FN1: variants seen among roughly 807,000 people sequenced by gnomAD.
FN1 encodes fibronectin 1.
Under a neutral mutation model 297.3 loss-of-function variants are expected in FN1, and 106 were observed. That is an observed-to-expected ratio of 0.36 (90% CI 0.30 to 0.42). The LOEUF (loss-of-function observed/expected upper bound fraction) is 0.42. Among genes scored for constraint, FN1 ranks in the 10% least tolerant of loss-of-function variants. FN1 has a pLI of 1.00. For synonymous variants in FN1, 1,149 were observed against 1,152.6 expected, an observed-to-expected ratio of 1.00 and a Z score of 0.06; for missense variants, 2,690 against 3,124.9, an observed-to-expected ratio of 0.86 and a Z score of 3.32.
chr2:215,413,566 A>G (rs2062997546), intron 13 of FN1, among the ~76,000 whole-genome samples: 1 of 152,164 alleles, frequency 6.6e-6, no homozygotes, highest in Non-Finnish European at 1.5e-5. Context: ...TGATCCCTCA[A>G]TCCCATCCTC....
In FN1 at chr2:215,433,455, TC is replaced by T; in HGVS notation, c.283del (p.Glu95ArgfsTer25). The T allele has an allele frequency of 1.9e-6, 3 of 1,614,070 alleles. No individual in the cohort carries two copies. Among genetic ancestry groups the T allele is most frequent in the Non-Finnish European group, 2.5e-6 (3 of 1,179,970 alleles). On this transcript the variant is annotated frameshift_variant, in exon 3 of 46. Transcript: ENST00000354785. LOFTEE classifies it high-confidence loss of function. ...FNCESKPEAE[E>X]TCFDKYTGNT... ...CCCAGTGTACTTGTCAAAGCAAGTCTCTTCAGCTGAGGGGAAAAGGAAAGTC... is the reference window on the plus strand; with the variant it reads ...CCCAGTGTACTTGTCAAAGCAAGTCTTTCAGCTGAGGGGAAAAGGAAAGTC...
At chr2:215,411,564 T>C (rs572694174) in intron 13 of FN1, among the ~76,000 whole-genome samples, 1 of 152,188 alleles carries the variant, frequency 6.6e-6, no homozygotes, top group Non-Finnish European at 1.5e-5. Flanking sequence ...AAATAAAGTC[T>C]CAGGTGGCAT....
intron 40 of FN1, among the ~76,000 whole-genome samples, chr2:215,371,642 C>G (rs922170136): frequency 1.4e-5 from 2 of 146,892 alleles, no homozygotes; most frequent in African/African-American, 5.0e-5. Flanking sequence ...TTAAATGTGC[C>G]ATCTTCTAAG....
intron 1 of FN1, 40 bp from the exon 2 acceptor site, chr2:215,434,864 C>T: frequency 6.2e-7 from 1 of 1,603,990 alleles, no homozygotes; most frequent in East Asian, 2.2e-5. Flanking sequence ...TTGCATTTCT[C>T]CTTTTCCCAA....
Position 215,391,642 on chromosome 2 carries a change from C to T in FN1, c.4242G>A (p.Val1414=). 1 of 1,612,912 alleles carries T rather than the reference C, an allele frequency of 6.2e-7. No individual in the cohort carries two copies. Among genetic ancestry groups the T allele is most frequent in the Middle Eastern group, 1.7e-4 (1 of 6,058 alleles). ...ELSISPSDNA[V]VLTNLLPGTE... ...CATTCAACTGCTTACTTGTTAAGAC[C>T]ACTGCATTGTCTGAAGGAGAAATTG... Residue 1414 remains valine (V), a synonymous_variant, in exon 26 of 46, where the codon GTG becomes GTA. Coordinates refer to ENST00000354785, the MANE Select transcript of FN1 (RefSeq NM_212482.4).
intron 33 of FN1, chr2:215,379,803 C>G (rs1455460920): frequency 6.1e-6 from 1 of 163,398 alleles, no homozygotes; most frequent in African/African-American, 2.4e-5. Context: ...AAGTGATCCT[C>G]TACCTCAGCC....
At chr2:215,430,653 C>T in intron 5 of FN1, 62 bp downstream of exon 5, 2 of 1,580,682 alleles carry the variant, frequency 1.3e-6, no homozygotes, top group Non-Finnish European at 1.7e-6. Flanking sequence ...TATTACCCTT[C>T]TCTCTAGGAA....
chr2:215,384,406 A>T, intron 29 of FN1: 1 of 563,736 alleles, frequency 1.8e-6, no homozygotes. Context: ...CTGTTTTAAC[A>T]TTTCAGCTTT....
rs764406701 is a variant in FN1, at chr2:215,388,296, G to A, written c.4258C>T (p.Leu1420=). Residue 1420 remains leucine (L), a synonymous_variant, in exon 27 of 46, where the codon CTG becomes TTG. Transcript: ENST00000354785. ...SDNAVVLTNL[L]PGTEYVVSVS... ...CTCACTACATATTCTGTACCAGGCA[G>A]GAGATCTGTAGGGGCAAATGGGGCT... 1.2e-6 allele frequency: 2 copies of A among 1,612,692 alleles called. No individual in the cohort carries two copies. Among genetic ancestry groups the A allele is most frequent in the South Asian group, 2.2e-5 (2 of 91,050 alleles).
intron 12 of FN1, among the ~76,000 whole-genome samples, chr2:215,417,284 T>C (rs921877190): frequency 1.3e-5 from 2 of 152,150 alleles, no homozygotes; most frequent in African/African-American, 4.8e-5. Flanking sequence ...AAACTAACAA[T>C]AAAATAGTTG....
chr2:215,397,265 G>A, intron 22 of FN1, 42 bp from the exon 23 acceptor site: 1 of 1,389,370 alleles, frequency 7.2e-7, no homozygotes, highest in Non-Finnish European at 1.0e-6. Context: ...CTGACACAAA[G>A]CTCTTGACCT....
chr2:215,430,811 C>T lies in FN1; in HGVS notation c.589G>A (p.Val197Ile). 6.2e-7 allele frequency: 1 copy of T among 1,614,112 alleles called. No homozygotes were observed. The highest frequency in any genetic ancestry group is 8.5e-7 in the Non-Finnish European group (1 of 1,179,976). The change falls in exon 5 of 46, where the codon GTC (valine) becomes ATC (isoleucine). Residue 197 changes from valine (V) to isoleucine (I), a missense_variant. By Grantham distance (29) the Val-to-Ile change is conservative (BLOSUM62 3). This residue lies in a region of FN1 where 876 missense variants were observed against 1,058.1 expected (regional missense o/e 0.83). Coordinates refer to ENST00000354785, the MANE Select transcript of FN1 (RefSeq NM_212482.4). ...FDHAAGTSYVVGETWEKPYQG... is the reference protein window; with the variant it reads ...FDHAAGTSYVIGETWEKPYQG... ...TAGGGCTTCTCCCACGTTTCTCCGA[C>T]CACATAGGAAGTCCCAGCAGCATGA...
At position 215,406,257 on chromosome 2, in the gene FN1, C is replaced by T. The variant is rs372040503; in HGVS notation, c.2967G>A (p.Leu989=). The T allele has an allele frequency of 1.9e-6, 3 of 1,614,032 alleles. No individual in the cohort carries two copies. The highest frequency in any genetic ancestry group is 2.5e-6 in the Non-Finnish European group (3 of 1,180,022). Residue 989 remains leucine (L), a synonymous_variant, in exon 19 of 46, where the codon CTG becomes CTA. Coordinates refer to ENST00000354785, the MANE Select transcript of FN1 (RefSeq NM_212482.4). The stretch of plus-strand genomic sequence containing the variant: ...ACATACTGGTTGTCTGTTGAGCAGT[C>T]AGAGGCTTGCTCTCCCTCCCATGGC... ...AVSHGRESKP[L]TAQQTTKLDA...
At chr2:215,397,557 A>C in intron 22 of FN1, 123 bp downstream of exon 22, 2 of 808,942 alleles carry the variant, frequency 2.5e-6, no homozygotes, top group Non-Finnish European at 4.3e-6. Flanking sequence ...TTAATAATAT[A>C]AGTAAGGATA....
At chr2:215,419,069 G>A (rs962514473) in intron 12 of FN1, among the ~76,000 whole-genome samples, 173 bp downstream of exon 12, 7 of 152,192 alleles carry the variant, frequency 4.6e-5, no homozygotes, top group African/African-American at 1.7e-4. Flanking sequence ...CTTGATAGAG[G>A]AAGAGAGAAA....
intron 4 of FN1, among the ~76,000 whole-genome samples, chr2:215,431,363 C>T (rs999145582): frequency 2.0e-5 from 3 of 152,248 alleles, no homozygotes; most frequent in South Asian, 4.1e-4. Context: ...CTTGTACTTA[C>T]AAAATTCAAC....
At chr2:215,414,620 A>C in intron 13 of FN1, 1 of 1,205,098 alleles carries the variant, frequency 8.3e-7, no homozygotes, top group Non-Finnish European at 1.1e-6. Flanking sequence ...CAGCCCCCCC[A>C]CCGCAAAAAA....
intron 44 of FN1, among the ~76,000 whole-genome samples, chr2:215,363,971 C>T (rs917536443): frequency 6.6e-6 from 1 of 152,196 alleles, no homozygotes; most frequent in African/African-American, 2.4e-5. Context: ...CCCACCTGGG[C>T]CAGCTCCTTT....
Position 215,381,509 on chromosome 2 carries a change from T to C in FN1, c.5165-429A>G, listed in dbSNP as rs1187734827. The C allele has an allele frequency of 2.4e-5, 7 of 297,694 alleles. No individual in the cohort carries two copies. The East Asian group carries it at 6.7e-4, about 29-fold the overall frequency. The allele number at this position is 297,694 out of a possible 1,614,324, so 18.4% of individuals were successfully genotyped here. On this transcript the variant is annotated intron_variant, in intron 32 of 45. Transcript: ENST00000354785. ...TTTTTTTTGAGATGGAGTCTCACTC[T>C]ATCACCTAGGCTGGGGTGCAGAGGC...
Sources: gnomAD v4.1 joint callset for allele counts (sites outside exome capture counted in the v4.1 genomes callset) on GRCh38, gnomAD v4.1.1 for gene constraint, gnomAD v4.1.1 regional missense constraint, MANE v1.5 for transcripts, NCBI Gene and HGNC (gene_info 2026-07-23, HGNC 2026-07-21) for gene names.